Variants in CCDC157 observed in about 807,000 individuals in gnomAD.
CCDC157 encodes the protein coiled-coil domain-containing protein 157.
CCDC157 carries 60 observed loss-of-function variants against 70.9 expected under a neutral mutation model. The ratio of observed to expected loss-of-function variants is 0.85; its 90% CI spans 0.69 to 1.05. CCDC157 has a LOEUF of 1.05. Among genes scored for constraint, CCDC157 ranks in the 50% least tolerant of loss-of-function variants. The pLI is 0.00. For missense variants in CCDC157, 943 were observed against 984.2 expected (o/e 0.96, Z 0.56); for synonymous variants, 373 against 422.4 (o/e 0.88, Z 1.43).
intron 4 of CCDC157, chr22:30,369,895 C>G (rs1157663941): frequency 2.2e-6 from 1 of 459,208 alleles, no homozygotes; most frequent in Non-Finnish European, 3.9e-6. Context: ...GTCATGTGAC[C>G]CCTGTTTGTT....
At chr22:30,370,996 A>G in intron 5 of CCDC157, 46 bp downstream of exon 5, 1 of 1,560,632 alleles carries the variant, frequency 6.4e-7, no homozygotes, top group Non-Finnish European at 8.7e-7. Flanking sequence ...GGGCTCTGCC[A>G]CAGCCTTTGC....
At chr22:30,373,802 C>T in intron 8 of CCDC157, 38 bp downstream of exon 8, 1 of 1,535,972 alleles carries the variant, frequency 6.5e-7, no homozygotes, top group Non-Finnish European at 8.8e-7. Context: ...AGAGAAGTCT[C>T]CGGCCAACTG....
chr22:30,374,385 C>G (rs774323102), intron 9 of CCDC157: 1 of 591,962 alleles, frequency 1.7e-6, no homozygotes, highest in Non-Finnish European at 3.2e-6. Context: ...CTCTTCACTA[C>G]GTCACATGCT....
intron 10 of CCDC157, 29 bp from the exon 11 acceptor site, chr22:30,376,230 T>C (rs561499429): frequency 1.3e-6 from 2 of 1,586,188 alleles, no homozygotes; most frequent in South Asian, 1.1e-5. Context: ...TGGGCCCTTA[T>C]AAGACTGGCT....
upstream of CCDC157, chr22:30,356,913 G>A (rs1399796307): frequency 2.4e-6 from 2 of 847,584 alleles, no homozygotes; most frequent in South Asian, 4.4e-5. Context: ...AGCGAGTTGC[G>A]GCCGCGAAGG....
At chr22:30,369,819 T>C in intron 4 of CCDC157, 1 of 480,332 alleles carries the variant, frequency 2.1e-6, no homozygotes. Context: ...GGCTCTGACA[T>C]CCCTGTGGGA....
At position 30,373,928 on chromosome 22, in the gene CCDC157, G is replaced by T. The variant is rs1209381825; in HGVS notation, c.1509G>T (p.Leu503=). ...TGAGCCTCCGTCTGTCCCAGGAGCT[G>T]CTGCAGAGCCTGCAGAGGGAGAAGC... ...GQCQLRAQQE[L]LQSLQREKQG... is the part of the protein sequence containing the mutation. Residue 503 remains leucine, a synonymous_variant, in exon 9 of 12, where the codon CTG becomes CTT. Transcript: ENST00000338306. 6.2e-7 allele frequency: 1 copy of T among 1,609,420 alleles called. No individual in the cohort carries two copies. Among genetic ancestry groups the T allele is most frequent in the African/African-American group, 1.3e-5 (1 of 74,902 alleles).
chr22:30,357,345 C>T (rs1931963536), intron 1 of CCDC157, among the ~76,000 whole-genome samples: 1 of 152,156 alleles, frequency 6.6e-6, no homozygotes, highest in Non-Finnish European at 1.5e-5. Flanking sequence ...TCATTTCAGA[C>T]CCACATCCTC....
intron 1 of CCDC157, among the ~76,000 whole-genome samples, chr22:30,360,088 G>A (rs1263121247): frequency 6.6e-6 from 1 of 152,200 alleles, no homozygotes; most frequent in African/African-American, 2.4e-5. Context: ...AGGTTACAAT[G>A]AGCTATGACA....
At position 30,374,040 on chromosome 22, in the gene CCDC157, C is replaced by A. The variant is rs749261960; in HGVS notation, c.1621C>A (p.Leu541Met). The change falls in exon 9 of 12, where the codon CTG becomes ATG. Residue 541 changes from leucine (L) to methionine (M), a missense_variant. Transcript: ENST00000338306. The part of the protein sequence containing the change: ...ELEELKERER[L>M]LVAFPDLHRP... ...GGAGGAGCTGAAGGAGCGGGAGCGG[C>A]TGCTGGTGGCCTTCCCAGACCTGCA... 4.9e-5 allele frequency: 78 copies of A among 1,607,292 alleles called. No individual in the cohort carries two copies. Among genetic ancestry groups the A allele is most frequent in the Non-Finnish European group, 6.0e-5 (71 of 1,177,690 alleles).
In CCDC157 at chr22:30,372,236, G is replaced by C; in HGVS notation, c.1285G>C (p.Glu429Gln). 1 of 1,600,452 alleles carries C rather than the reference G, an allele frequency of 6.2e-7. No individual in the cohort carries two copies. Among genetic ancestry groups the C allele is most frequent in the East Asian group, 2.2e-5 (1 of 44,450 alleles). Residue 429 changes from glutamate (E) to glutamine (Q), a missense_variant, in exon 7 of 12, where the codon GAG becomes CAG. Glu to Gln is a conservative substitution (Grantham distance 29). Transcript: ENST00000338306. ...CCAGCAGGTCTGCTGGGCCAGCACG[G>C]AGCTGGATAAGGAGAAGGCCCGTGT... ...AGQQVCWAST[E>Q]LDKEKARVDS...
Position 30,357,139 on chromosome 22 carries a change from T to C in CCDC157, c.-166+7T>C, listed in dbSNP as rs1931935558. On this transcript the variant is annotated splice_region_variant and intron_variant, in intron 1 of 11. Coordinates refer to ENST00000338306, the MANE Select transcript of CCDC157 (RefSeq NM_001017437.5). ...GCCGCGACGCCGAAGACAGGTGAGA[T>C]GTTGTACGTCACCCGCCGGACCCCC... The C allele has an allele frequency of 8.4e-6, 2 of 239,150 alleles. No individual in the cohort carries two copies. The highest frequency in any genetic ancestry group is 7.8e-5 in the East Asian group (1 of 12,858). The allele number at this position is 239,150 out of a possible 1,614,324, so 14.8% of individuals were successfully genotyped here. A position where few individuals can be genotyped will look rare whatever the true frequency, so the allele number is the denominator to read the frequency against.
At chr22:30,376,223 G>A in intron 10 of CCDC157, 36 bp from the exon 11 acceptor site, 1 of 1,582,360 alleles carries the variant, frequency 6.3e-7, no homozygotes, top group Non-Finnish European at 8.7e-7. Context: ...GGACTCCTGG[G>A]CCCTTATAAG....
At chr22:30,370,160 CAGAG>C in intron 4 of CCDC157, 162 bp from the exon 5 acceptor site, 1 of 800,354 alleles carries the variant, frequency 1.2e-6, no homozygotes, top group Non-Finnish European at 2.0e-6. Flanking sequence ...GTCAGAGTAA[CAGAG>C]GGAGAAAGTT....
chr22:30,373,921 A>T lies in CCDC157; in HGVS notation c.1504-2A>T. On this transcript the variant is annotated splice_acceptor_variant, in intron 8 of 11. Coordinates refer to ENST00000338306, the MANE Select transcript of CCDC157 (RefSeq NM_001017437.5). LOFTEE classifies it high-confidence loss of function. ...CCAGGCCTGAGCCTCCGTCTGTCCC[A>T]GGAGCTGCTGCAGAGCCTGCAGAGG... is the stretch of plus-strand genomic sequence containing the variant. 1 of 1,607,588 alleles carries T rather than the reference A, an allele frequency of 6.2e-7. No homozygotes were observed. The highest frequency in any genetic ancestry group is 8.5e-7 in the Non-Finnish European group (1 of 1,177,278).
At chr22:30,365,868 T>A in intron 2 of CCDC157, 122 bp from the exon 3 acceptor site, 1 of 967,050 alleles carries the variant, frequency 1.0e-6, no homozygotes, top group Non-Finnish European at 1.5e-6. Context: ...AACAGACTTC[T>A]CCCCAGGGTC....
chr22:30,378,543 G>A lies in CCDC157; in HGVS notation c.*1798G>A, dbSNP rs948544800. ...CTTGGGAGGCTGAGACAGGAGAATT[G>A]CTTGAACCCGGGAGGCGGAGGTTGC... On this transcript the variant is annotated 3_prime_UTR_variant, in exon 12 of 12. Coordinates refer to ENST00000338306, the MANE Select transcript of CCDC157 (RefSeq NM_001017437.5). The A allele has an allele frequency of 1.9e-5, 3 of 155,556 alleles. No homozygotes were observed. Among genetic ancestry groups the A allele is most frequent in the African/African-American group, 7.2e-5 (3 of 41,584 alleles). 9.6% of individuals were successfully genotyped at this position (155,556 alleles called of 1,614,324 possible). A position where few individuals can be genotyped will look rare whatever the true frequency, so the allele number is the denominator to read the frequency against.
In CCDC157 at chr22:30,373,590, TG is replaced by T. The variant is rs534068178; in HGVS notation, c.1336-6del. Reference sequence around the variant, plus strand: ...CACAGCCTCCCTGCTTGTCCGTTCCTGCTTAGTCTCTGCAGGCCAAGCAGCG... The same window carrying T: ...CACAGCCTCCCTGCTTGTCCGTTCCTCTTAGTCTCTGCAGGCCAAGCAGCG... On this transcript the variant is annotated splice_polypyrimidine_tract_variant and splice_region_variant and intron_variant, in intron 7 of 11. Coordinates refer to ENST00000338306, the MANE Select transcript of CCDC157 (RefSeq NM_001017437.5). The T allele has an allele frequency of 2.6e-6, 4 of 1,553,174 alleles. No homozygotes were observed. In the South Asian group the frequency reaches 4.7e-5, roughly 18 times the overall value.
At chr22:30,374,229 C>A in intron 9 of CCDC157, 138 bp downstream of exon 9, 1 of 973,230 alleles carries the variant, frequency 1.0e-6, no homozygotes, top group Non-Finnish European at 1.5e-6. Flanking sequence ...AGCAGCGCAG[C>A]CCCTGTGGAC....
Sources: gnomAD v4.1 joint callset for allele counts (sites outside exome capture counted in the v4.1 genomes callset) on GRCh38, gnomAD v4.1.1 for gene constraint, MANE v1.5 for transcripts, NCBI Gene and HGNC (gene_info 2026-07-23, HGNC 2026-07-21) for gene names.